PTPRT: variants seen among roughly 807,000 people sequenced by gnomAD.
The protein encoded by PTPRT is receptor-type tyrosine-protein phosphatase T.
PTPRT carries 56 observed loss-of-function variants against 176.8 expected under a neutral mutation model. The ratio of observed to expected loss-of-function variants is 0.32; its 90% CI spans 0.26 to 0.40. The LOEUF is 0.40. PTPRT is among the 10% of genes least tolerant of loss of function. The pLI is 1.00. For synonymous variants in PTPRT, 783 were observed against 739.0 expected, an observed-to-expected ratio of 1.06 and a Z score of -0.96; for missense variants, 1,540 against 1,908.2, an observed-to-expected ratio of 0.81 and a Z score of 3.60.
chr20:42,528,024 G>C (rs1013786967), intron 7 of PTPRT, among the ~76,000 whole-genome samples: 1 of 152,186 alleles, frequency 6.6e-6, no homozygotes, highest in Admixed American at 6.5e-5. Context: ...ATAGGCCAAG[G>C]ATGAAATCCT....
At chr20:42,096,695 C>A (rs182043042) in intron 27 of PTPRT, among the ~76,000 whole-genome samples, 1 of 152,090 alleles carries the variant, frequency 6.6e-6, no homozygotes, top group Non-Finnish European at 1.5e-5. Flanking sequence ...GCAATCCTCC[C>A]GCCTCAGCCT....
chr20:42,379,213 T>C (rs2058677383), intron 9 of PTPRT, among the ~76,000 whole-genome samples: 1 of 152,260 alleles, frequency 6.6e-6, no homozygotes. Flanking sequence ...CTGTCTGTGA[T>C]GAACTTCCAA....
At chr20:42,208,431 T>C (rs1042547804) in intron 15 of PTPRT, among the ~76,000 whole-genome samples, 21 of 150,868 alleles carry the variant, frequency 1.4e-4, no homozygotes, top group Non-Finnish European at 3.0e-4. Flanking sequence ...AGGCTCAAAA[T>C]AAAAGGATGG....
At chr20:42,641,241 T>C (rs2074741903) in intron 7 of PTPRT, among the ~76,000 whole-genome samples, 1 of 152,194 alleles carries the variant, frequency 6.6e-6, no homozygotes, top group African/African-American at 2.4e-5. Flanking sequence ...ACACATTTCC[T>C]ATTCCTTCCA....
chr20:43,037,980 G>A (rs1986450042), intron 1 of PTPRT, among the ~76,000 whole-genome samples: 1 of 152,160 alleles, frequency 6.6e-6, no homozygotes, highest in African/African-American at 2.4e-5. Flanking sequence ...GGGGTCTGCT[G>A]CTGGGAAACC....
chr20:42,066,499 A>T, the PTPRT span, among the ~76,000 whole-genome samples: 1 of 152,102 alleles, frequency 6.6e-6, no homozygotes, highest in Non-Finnish European at 1.5e-5. Context: ...CAATTTCTTC[A>T]TAATATTCAT....
chr20:42,535,026 A>G (rs2072452058), intron 7 of PTPRT, among the ~76,000 whole-genome samples: 1 of 152,192 alleles, frequency 6.6e-6, no homozygotes, highest in Admixed American at 6.5e-5. Flanking sequence ...TATGCGGATA[A>G]GAAACAGAGG....
chr20:42,954,618 T>TA (rs5841480), intron 1 of PTPRT, among the ~76,000 whole-genome samples: 1 of 151,738 alleles, frequency 6.6e-6, no homozygotes, highest in Non-Finnish European at 1.5e-5. Context: ...GCTTTTTTTT[T>TA]ACCATTTGCA....
intron 1 of PTPRT, among the ~76,000 whole-genome samples, chr20:42,946,735 C>G (rs1980904906): frequency 6.6e-6 from 1 of 152,194 alleles, no homozygotes; most frequent in South Asian, 2.1e-4. Context: ...TCTTTCTTCA[C>G]TCAATGTCAT....
At chr20:42,220,695 G>T (rs1288306189) in intron 15 of PTPRT, among the ~76,000 whole-genome samples, 1 of 152,130 alleles carries the variant, frequency 6.6e-6, no homozygotes, top group African/African-American at 2.4e-5. Context: ...AGTTTTTTAT[G>T]TATGTCTGCT....
At chr20:42,402,152 G>A (rs1284878223) in intron 9 of PTPRT, among the ~76,000 whole-genome samples, 2 of 152,202 alleles carry the variant, frequency 1.3e-5, no homozygotes, top group Admixed American at 6.5e-5. Flanking sequence ...AGAGGTGTGG[G>A]AGATGGGGAG....
At chr20:42,107,640 G>A (rs2146272051) in intron 23 of PTPRT, among the ~76,000 whole-genome samples, 1 of 152,346 alleles carries the variant, frequency 6.6e-6, no homozygotes, top group South Asian at 2.1e-4. Flanking sequence ...CTGACCAAGA[G>A]GCACGTAAGA....
chr20:42,236,127 G>A lies in PTPRT; in HGVS notation c.2342+102C>T. The A allele has an allele frequency of 4.8e-6, 5 of 1,046,606 alleles. No individual in the cohort carries two copies. The South Asian group carries it at 7.8e-5, about 16-fold the overall frequency. The allele number at this position is 1,046,606 out of a possible 1,614,324, so 64.8% of individuals were successfully genotyped here. A position where few individuals can be genotyped will look rare whatever the true frequency, so the allele number is the denominator to read the frequency against. ...AAGGCTACAGACAACTTAGACAGAA[G>A]TGAAAATGAGAAACTAACAGACACT... On this transcript the variant is annotated intron_variant, in intron 15 of 30. Transcript: ENST00000373187.
At chr20:42,957,771 T>C (rs540632966) in intron 1 of PTPRT, among the ~76,000 whole-genome samples, 6 of 152,304 alleles carry the variant, frequency 3.9e-5, no homozygotes, top group Non-Finnish European at 8.8e-5. Flanking sequence ...ATTTTCTTTC[T>C]CATTAATTAA....
At chr20:42,304,008 T>A (rs1038957789) in intron 12 of PTPRT, among the ~76,000 whole-genome samples, 4 of 152,178 alleles carry the variant, frequency 2.6e-5, no homozygotes, top group African/African-American at 9.7e-5. Flanking sequence ...ATAAATTGCA[T>A]TTATGGGTTT....
At chr20:42,066,667 T>C in the PTPRT span, among the ~76,000 whole-genome samples, 68 of 152,346 alleles carry the variant, frequency 4.5e-4, no homozygotes, top group South Asian at 8.3e-4. Context: ...AACTTTCTTC[T>C]CTGATAGCAG....
Position 42,188,780 on chromosome 20 carries a change from T to A in PTPRT, c.2491+10460A>T, listed in dbSNP as rs536916665. ...ACCTGTGAGGTGTAGAGAACAATTCTATTTTCTTCTCAAGATGTAGTGGCC... is the reference window on the plus strand; with the variant it reads ...ACCTGTGAGGTGTAGAGAACAATTCAATTTTCTTCTCAAGATGTAGTGGCC... On this transcript the variant is annotated intron_variant, in intron 16 of 30. Transcript: ENST00000373187. Among the ~76,000 whole-genome samples the A allele has an allele frequency of 2.6e-5, 4 of 152,334 alleles. No individual in the cohort carries two copies. In the South Asian group the frequency reaches 8.3e-4, roughly 32 times the overall value.
intron 7 of PTPRT, among the ~76,000 whole-genome samples, chr20:42,498,495 A>G (rs2071693234): frequency 6.6e-6 from 1 of 152,144 alleles, no homozygotes; most frequent in Non-Finnish European, 1.5e-5. Context: ...AGGAAATCAA[A>G]GTATTTTGCT....
intron 2 of PTPRT, among the ~76,000 whole-genome samples, chr20:42,814,824 A>G (rs879051754): frequency 6.6e-6 from 1 of 152,160 alleles, no homozygotes; most frequent in Non-Finnish European, 1.5e-5. Context: ...GAAGGCCCCT[A>G]TTTTGCTGAA....
Sources: allele counts gnomAD v4.1 joint callset (sites outside exome capture counted in the v4.1 genomes callset), GRCh38; gene constraint gnomAD v4.1.1; transcripts MANE v1.5; gene names NCBI Gene and HGNC (gene_info 2026-07-23, HGNC 2026-07-21).